Variants in AP3D1 observed in about 807,000 individuals in gnomAD.
AP3D1 encodes adaptor related protein complex 3 subunit delta 1.
A neutral mutation model predicts 147.6 loss-of-function variants in AP3D1; 51 were observed. That is an observed-to-expected ratio of 0.35 (90% CI 0.28 to 0.44). The LOEUF (loss-of-function observed/expected upper bound fraction) is 0.44. Among genes scored for constraint, AP3D1 ranks in the 20% least tolerant of loss-of-function variants. The probability of loss-of-function intolerance (pLI) is 1.00; values close to 1 mark genes in which losing one functional copy is unlikely to be tolerated. For synonymous variants in AP3D1, 760 were observed against 663.0 expected (o/e 1.15, Z -2.25); for missense variants, 1,421 against 1,624.2 (o/e 0.87, Z 2.15).
chr19:2,132,939 G>A (rs2018988054), intron 4 of AP3D1, among the ~76,000 whole-genome samples: 1 of 152,186 alleles, frequency 6.6e-6, no homozygotes, highest in African/African-American at 2.4e-5. Context: ...CTGAGGCACA[G>A]GCTGAAGCAC....
chr19:2,137,647 T>A, intron 3 of AP3D1, 80 bp downstream of exon 3: 1 of 1,153,512 alleles, frequency 8.7e-7, no homozygotes, highest in Non-Finnish European at 1.3e-6. Context: ...AGAATAATAA[T>A]AATAAAAATT....
intron 1 of AP3D1, among the ~76,000 whole-genome samples, chr19:2,149,171 C>G (rs1380746728): frequency 6.6e-6 from 1 of 152,190 alleles, no homozygotes; most frequent in Non-Finnish European, 1.5e-5. Flanking sequence ...CACTGCGTGT[C>G]CTGCCTGAAA....
intron 18 of AP3D1, 63 bp downstream of exon 18, chr19:2,116,144 C>A: frequency 6.5e-7 from 1 of 1,530,696 alleles, no homozygotes; most frequent in Non-Finnish European, 9.0e-7. Context: ...AGATGGATGC[C>A]GCGGGGCTCG....
At chr19:2,163,585 G>T (rs1327286900) in intron 1 of AP3D1, among the ~76,000 whole-genome samples, 2 of 152,082 alleles carry the variant, frequency 1.3e-5, no homozygotes, top group African/African-American at 4.8e-5. Flanking sequence ...ACTCTTATGG[G>T]GGGAAATTCG....
rs1313667840 is a variant in AP3D1, at chr19:2,109,896, G to A, written c.3327C>T (p.Tyr1109=). ...ACCTGTAGCAGGGAGTGGTGATCAA[G>A]TAGGAGCTGCAGCTGAAGTGCAGCC... ...DFRLHFSCSS[Y]LITTPCYSDA... Residue 1109 remains tyrosine (Y), a synonymous_variant, in exon 29 of 32, where the codon TAC becomes TAT. Transcript: ENST00000643116. 1.9e-6 allele frequency: 3 copies of A among 1,613,868 alleles called. No homozygotes were observed. Among genetic ancestry groups the A allele is most frequent in the East Asian group, 4.5e-5 (2 of 44,872 alleles).
intron 8 of AP3D1, 60 bp downstream of exon 8, chr19:2,129,030 C>T (rs59192911): frequency 5.0e-6 from 3 of 601,852 alleles, no homozygotes; most frequent in Non-Finnish European, 7.1e-6. Flanking sequence ...CCGCCCCCGC[C>T]GCTCCGACAC....
At chr19:2,163,018 C>A (rs879629475) in intron 1 of AP3D1, among the ~76,000 whole-genome samples, 3 of 152,084 alleles carry the variant, frequency 2.0e-5, no homozygotes, top group Non-Finnish European at 4.4e-5. Flanking sequence ...CATCCCTGGG[C>A]ATAGGCTGAA....
At chr19:2,123,970 C>A in intron 9 of AP3D1, 91 bp from the exon 10 acceptor site, 1 of 1,389,632 alleles carries the variant, frequency 7.2e-7, no homozygotes, top group Non-Finnish European at 1.0e-6. Context: ...ACCCCCTCGC[C>A]GGGAGGAGGG....
At chr19:2,133,626 C>T (rs1235145003) in intron 4 of AP3D1, 1 of 152,158 alleles carries the variant, frequency 6.6e-6, no homozygotes, top group Non-Finnish European at 1.5e-5. Flanking sequence ...GCCTCAGCCT[C>T]CCAAGTAGCT....
Position 2,137,286 on chromosome 19 carries a change from G to C in AP3D1, c.274-195C>G, listed in dbSNP as rs183803714. Among the ~76,000 whole-genome samples the C allele has an allele frequency of 1.4e-3, 214 of 152,168 alleles. 1 individual carries two copies. The highest frequency in any genetic ancestry group is 5.0e-3 in the African/African-American group (209 of 41,520). ...CGCAGATTTCTTCAAAATTCCATGA[G>C]GAAATTCCCAGTTTGGAATATGTAT... On this transcript the variant is annotated intron_variant, in intron 3 of 31. Transcript: ENST00000643116.
chr19:2,103,133 T>TA (rs1025450490), intron 31 of AP3D1, among the ~76,000 whole-genome samples: 3 of 151,938 alleles, frequency 2.0e-5, no homozygotes, highest in African/African-American at 4.8e-5. Context: ...TCAAAAAAAT[T>TA]AAAAAACAAA....
chr19:2,111,167 T>C, intron 26 of AP3D1, 118 bp downstream of exon 26: 1 of 1,316,340 alleles, frequency 7.6e-7, no homozygotes, highest in Non-Finnish European at 1.1e-6. Context: ...CTGCCAGGAA[T>C]CACAGGCCCT....
At chr19:2,164,172 C>A in intron 1 of AP3D1, 3 of 1,158,866 alleles carry the variant, frequency 2.6e-6, no homozygotes, top group South Asian at 4.0e-5. Context: ...GTGCGGCGGC[C>A]GCGCGCGCGG....
At position 2,116,478 on chromosome 19, in the gene AP3D1, C is replaced by T. The variant is rs945666617; in HGVS notation, c.2001+127G>A. 1.2e-5 allele frequency: 16 copies of T among 1,322,380 alleles called. No individual in the cohort carries two copies. In the African/African-American group the frequency reaches 1.9e-4, roughly 16 times the overall value. The allele number at this position is 1,322,380 out of a possible 1,614,324, so 81.9% of individuals were successfully genotyped here. ...AAGGAATCGCTAACGCTCTGGGAGG[C>T]AGGGACGCCCATGCCTCCACTGCCA... On this transcript the variant is annotated intron_variant, in intron 17 of 31. Coordinates refer to ENST00000643116, the MANE Select transcript of AP3D1 (RefSeq NM_001261826.3).
Position 2,130,439 on chromosome 19 carries a change from C to G in AP3D1, c.561G>C (p.Arg187=). Residue 187 remains arginine (R), a synonymous_variant, in exon 6 of 32, where the codon CGG becomes CGC. Coordinates refer to ENST00000643116, the MANE Select transcript of AP3D1 (RefSeq NM_001261826.3). ...CGGGGTCCTCCAGCTTCTCCTTCAG[C>G]CGGGGAAAGGCAGGGCGCAGCGACT... The part of the protein sequence containing the change: ...YPESLRPAFP[R]LKEKLEDPDP... The G allele has an allele frequency of 6.2e-7, 1 of 1,614,044 alleles. No individual in the cohort carries two copies. The highest frequency in any genetic ancestry group is 1.1e-5 in the South Asian group (1 of 91,084).
In AP3D1 at chr19:2,114,798, A is replaced by G. The variant is rs2018393286; in HGVS notation, c.2373T>C (p.Asp791=). The G allele has an allele frequency of 6.2e-7, 1 of 1,614,080 alleles. No individual in the cohort carries two copies. Residue 791 remains aspartate (D), a synonymous_variant, in exon 21 of 32, where the codon GAT becomes GAC. Transcript: ENST00000643116. The part of the protein sequence containing the change: ...MPENALPSDE[D]DKDPNDPYRA... The stretch of plus-strand genomic sequence containing the variant: ...TGTAGGGGTCGTTGGGGTCTTTGTC[A>G]TCCTCGTCGCTGGGCAGAGCATTCT...
chr19:2,151,407 T>G lies in AP3D1; in HGVS notation c.-73A>C. The G allele has an allele frequency of 9.8e-7, 1 of 1,023,558 alleles. No homozygotes were observed. 63.4% of individuals were successfully genotyped at this position (1,023,558 alleles called of 1,614,324 possible). ...CGTGAGGGGGCCCGGGGCCCGTGCCTGCCGCCCGCGGAGCGCCGCGCTGCC... is the reference window on the plus strand; with the variant it reads ...CGTGAGGGGGCCCGGGGCCCGTGCCGGCCGCCCGCGGAGCGCCGCGCTGCC... On this transcript the variant is annotated 5_prime_UTR_variant, in exon 1 of 32. Coordinates refer to ENST00000643116, the MANE Select transcript of AP3D1 (RefSeq NM_001261826.3).
In AP3D1 at chr19:2,110,789, C is replaced by T. The variant is rs755477169; in HGVS notation, c.3093G>A (p.Leu1031=). The part of the protein sequence containing the change: ...SILKGMELSV[L]DSLNARMARP... ...GGGCCATCCTGGCATTGAGTGAGTC[C>T]AGCACGCTGAGCTCCATGCCCTTGA... Residue 1031 remains leucine, a synonymous_variant, in exon 27 of 32, where the codon CTG becomes CTA. Coordinates refer to ENST00000643116, the MANE Select transcript of AP3D1 (RefSeq NM_001261826.3). 1.4e-5 allele frequency: 22 copies of T among 1,613,248 alleles called. No homozygotes were observed. The South Asian group carries it at 1.6e-4, about 12-fold the overall frequency.
chr19:2,162,746 C>T (rs901795066), intron 1 of AP3D1, among the ~76,000 whole-genome samples: 1 of 151,872 alleles, frequency 6.6e-6, no homozygotes, highest in African/African-American at 2.4e-5. Context: ...CTTTAATCAC[C>T]AGGGGCTGTG....
Sources: allele counts gnomAD v4.1 joint callset (sites outside exome capture counted in the v4.1 genomes callset), GRCh38; gene constraint gnomAD v4.1.1; transcripts MANE v1.5; gene names NCBI Gene and HGNC (gene_info 2026-07-23, HGNC 2026-07-21).